NUP155: variants seen among roughly 807,000 people sequenced by gnomAD.
NUP155 encodes nuclear pore complex protein Nup155.
A neutral mutation model predicts 180.4 loss-of-function variants in NUP155; 71 were observed. That is an observed-to-expected ratio of 0.39 (90% CI 0.33 to 0.48). The LOEUF (loss-of-function observed/expected upper bound fraction) is 0.48, where lower values mean the gene tolerates loss of function less well. Ranked by LOEUF, NUP155 falls within the 20% of genes least tolerant of loss-of-function variation. The pLI is 0.91. For synonymous variants in NUP155, 582 were observed against 559.5 expected (o/e 1.04, Z -0.57); for missense variants, 1,553 against 1,648.9 (o/e 0.94, Z 1.01).
Position 37,341,129 on chromosome 5 carries a change from C to G in NUP155, c.1207G>C (p.Glu403Gln). 3 of 1,613,906 alleles carry G rather than the reference C, an allele frequency of 1.9e-6. No homozygotes were observed. Among genetic ancestry groups the G allele is most frequent in the Non-Finnish European group, 2.5e-6 (3 of 1,179,846 alleles). Residue 403 changes from glutamate (E) to glutamine (Q), a missense_variant, in exon 11 of 35, where the codon GAA becomes CAA. Transcript: ENST00000231498. ...PPGFSASSTVEKPSKVHRALY... is the reference protein window; with the variant it reads ...PPGFSASSTVQKPSKVHRALY... ...GCTCTATGTACTTTTGAAGGCTTTTCCACGGTTGAAGATGCTGAGAATCCA... is the reference window on the plus strand; with the variant it reads ...GCTCTATGTACTTTTGAAGGCTTTTGCACGGTTGAAGATGCTGAGAATCCA...
chr5:37,338,118 A>G (rs562170556), intron 11 of NUP155, among the ~76,000 whole-genome samples, 200 bp from the exon 12 acceptor site: 1 of 152,062 alleles, frequency 6.6e-6, no homozygotes, highest in East Asian at 1.9e-4. Context: ...CAGGAGTCCA[A>G]GACCAGCCTA....
chr5:37,360,794 G>C (rs13175760), intron 3 of NUP155, among the ~76,000 whole-genome samples: 1 of 149,080 alleles, frequency 6.7e-6, no homozygotes, highest in South Asian at 2.1e-4. Flanking sequence ...AAAGGGGGGG[G>C]GGTCCAGGCG....
Position 37,329,043 on chromosome 5 carries a change from T to C in NUP155, c.1813+147A>G, listed in dbSNP as rs1019029926. On this transcript the variant is annotated intron_variant, in intron 16 of 34. Coordinates refer to ENST00000231498, the MANE Select transcript of NUP155 (RefSeq NM_153485.3). ...AGGATTCAATATTAATAGATCACTT[T>C]TAAGAATCAGAATCTATAGATGTAT... The C allele has an allele frequency of 1.4e-5, 9 of 666,164 alleles. No homozygotes were observed. In the African/African-American group the frequency reaches 1.5e-4, roughly 11 times the overall value. The allele number at this position is 666,164 out of a possible 1,614,324, so 41.3% of individuals were successfully genotyped here. A position where few individuals can be genotyped will look rare whatever the true frequency, so the allele number is the denominator to read the frequency against.
At chr5:37,304,636 C>A in intron 27 of NUP155, 103 bp downstream of exon 27, 1 of 815,110 alleles carries the variant, frequency 1.2e-6, no homozygotes, top group South Asian at 1.5e-5. Flanking sequence ...TAATAGCAGG[C>A]ATGGGATGAG....
At position 37,342,986 on chromosome 5, in the gene NUP155, G is replaced by A. The variant is rs1745835716; in HGVS notation, c.996-340C>T. Reference sequence around the variant, plus strand: ...TCCTGACCTCGCGTGAGCGTGATCCGCCCGCCTCGGCCTTCCAAAGTGCTG... The same window carrying A: ...TCCTGACCTCGCGTGAGCGTGATCCACCCGCCTCGGCCTTCCAAAGTGCTG... On this transcript the variant is annotated intron_variant, in intron 9 of 34. Transcript: ENST00000231498. 2.6e-5 allele frequency among the ~76,000 whole-genome samples: 4 copies of A among 152,088 alleles called. No homozygotes were observed. The South Asian group carries it at 6.2e-4, about 24-fold the overall frequency.
chr5:37,371,056 A>C lies in NUP155; in HGVS notation c.-79T>G. On this transcript the variant is annotated 5_prime_UTR_variant, in exon 1 of 35. Coordinates refer to ENST00000231498, the MANE Select transcript of NUP155 (RefSeq NM_153485.3). ...AAGAAAAGATCCAAGAAGTTAGCTT[A>C]GATCCGCCGCCTAGGGCGCGCGCGC... The C allele has an allele frequency of 6.6e-7, 1 of 1,507,386 alleles. No homozygotes were observed. The highest frequency in any genetic ancestry group is 9.1e-7 in the Non-Finnish European group (1 of 1,099,104). The allele number at this position is 1,507,386 out of a possible 1,614,324, so 93.4% of individuals were successfully genotyped here.
rs1471057938 is a variant in NUP155 at position 37,290,505 on chromosome 5, T to C, written c.*1395A>G. ...AAAAAAAAAAAAAGAGAGAAAGGAATAGAGTGTTTTGTTAGCTCTGGTCAT... is the reference window on the plus strand; with the variant it reads ...AAAAAAAAAAAAAGAGAGAAAGGAACAGAGTGTTTTGTTAGCTCTGGTCAT... On this transcript the variant is annotated 3_prime_UTR_variant, in exon 35 of 35. Coordinates refer to ENST00000231498, the MANE Select transcript of NUP155 (RefSeq NM_153485.3). The C allele has an allele frequency of 6.6e-6, 1 of 151,272 alleles. No homozygotes were observed. Among genetic ancestry groups the C allele is most frequent in the East Asian group, 1.9e-4 (1 of 5,174 alleles). 9.4% of individuals were successfully genotyped at this position (151,272 alleles called of 1,614,324 possible).
chr5:37,318,634 CA>C (rs1053792695), intron 20 of NUP155, among the ~76,000 whole-genome samples: 9 of 151,354 alleles, frequency 5.9e-5, no homozygotes. Flanking sequence ...ATTTAAAAAT[CA>C]AAAAAAACGT....
chr5:37,364,950 T>C (rs1481476467), intron 1 of NUP155, among the ~76,000 whole-genome samples: 2 of 151,786 alleles, frequency 1.3e-5, no homozygotes, highest in African/African-American at 2.4e-5. Context: ...ATGTTTAAAT[T>C]TGATAATTTA....
intron 3 of NUP155, among the ~76,000 whole-genome samples, chr5:37,359,438 G>A (rs1430682633): frequency 6.6e-6 from 1 of 151,984 alleles, no homozygotes; most frequent in Non-Finnish European, 1.5e-5. Flanking sequence ...TGGAATCACA[G>A]GAAGAGCCTA....
rs770806433 is a variant in NUP155, at chr5:37,344,211, C to T, written c.996-1565G>A. On this transcript the variant is annotated intron_variant, in intron 9 of 34. Coordinates refer to ENST00000231498, the MANE Select transcript of NUP155 (RefSeq NM_153485.3). Reference sequence around the variant, plus strand: ...TATAAAAATTAGCCAAGAATAGTGGCGCACATCTAGAGTCCCAGCTACTTG... The same window carrying T: ...TATAAAAATTAGCCAAGAATAGTGGTGCACATCTAGAGTCCCAGCTACTTG... Among the ~76,000 whole-genome samples the T allele has an allele frequency of 4.0e-5, 6 of 151,710 alleles. No homozygotes were observed. In the East Asian group the frequency reaches 1.2e-3, roughly 29 times the overall value.
chr5:37,365,183 C>T (rs142497399), intron 1 of NUP155, among the ~76,000 whole-genome samples: 1,787 of 151,476 alleles, frequency 0.012, 38 homozygotes, highest in African/African-American at 0.041. Context: ...TGCTTGAACC[C>T]GGGAGGCGGA....
Position 37,305,042 on chromosome 5 carries a change from T to C in NUP155, c.3057+15A>G. On this transcript the variant is annotated intron_variant, in intron 26 of 34. Coordinates refer to ENST00000231498, the MANE Select transcript of NUP155 (RefSeq NM_153485.3). Reference sequence around the variant, plus strand: ...ACAGTGTATTCTCAGAATGAAAATATACTATGTCCCTTACATGATGTCCTG... The same window carrying C: ...ACAGTGTATTCTCAGAATGAAAATACACTATGTCCCTTACATGATGTCCTG... The C allele has an allele frequency of 2.5e-6, 4 of 1,612,126 alleles. No homozygotes were observed. Among genetic ancestry groups the C allele is most frequent in the East Asian group, 2.2e-5 (1 of 44,866 alleles).
intron 16 of NUP155, 78 bp downstream of exon 16, chr5:37,329,112 C>T: frequency 1.0e-6 from 1 of 975,032 alleles, no homozygotes; most frequent in East Asian, 2.5e-5. Flanking sequence ...AATGAAAAGG[C>T]TTATTGATAA....
chr5:37,301,035 G>C (rs1458509599), intron 30 of NUP155: 1 of 208,418 alleles, frequency 4.8e-6, no homozygotes. Context: ...TGTTGACCAG[G>C]CTGGTCTCAA....
intron 12 of NUP155, among the ~76,000 whole-genome samples, chr5:37,335,472 C>T (rs1745268100): frequency 6.6e-6 from 1 of 151,770 alleles, no homozygotes; most frequent in Admixed American, 6.6e-5. Context: ...CAGTAAAAGT[C>T]CACATGCCCA....
chr5:37,311,659 AAG>A (rs1743534879), intron 22 of NUP155, among the ~76,000 whole-genome samples: 1 of 151,908 alleles, frequency 6.6e-6, no homozygotes, highest in Non-Finnish European at 1.5e-5. Flanking sequence ...GACAAGGAAA[AAG>A]AATTTTTTTT....
In NUP155 at chr5:37,351,359, A is replaced by C; in HGVS notation, c.557-3T>G. 1 of 1,607,106 alleles carries C rather than the reference A, an allele frequency of 6.2e-7. No individual in the cohort carries two copies. Among genetic ancestry groups the C allele is most frequent in the Non-Finnish European group, 8.5e-7 (1 of 1,174,272 alleles). ...ACTATCATTAAGAACTCCAGAACCT[A>C]TTTAAGAAAGAATACATAAATCAGT... On this transcript the variant is annotated splice_region_variant and splice_polypyrimidine_tract_variant and intron_variant, in intron 5 of 34. Transcript: ENST00000231498.
chr5:37,292,809 A>AT (rs1347477184), intron 34 of NUP155, 70 bp downstream of exon 34: 3 of 957,862 alleles, frequency 3.1e-6, no homozygotes, highest in African/African-American at 3.2e-5. Flanking sequence ...TTCTCTTCAA[A>AT]TTTTTTACCC....
Sources: gnomAD v4.1 joint callset for allele counts (sites outside exome capture counted in the v4.1 genomes callset) on GRCh38, gnomAD v4.1.1 for gene constraint, MANE v1.5 for transcripts, NCBI Gene and HGNC (gene_info 2026-07-23, HGNC 2026-07-21) for gene names.